The following ZBTB40 variants were observed in gnomAD, a reference collection of about 807,000 sequenced individuals.
The protein encoded by ZBTB40 is zinc finger and BTB domain containing 40.
In ZBTB40, 60 loss-of-function variants were observed where a neutral mutation model predicts 117.5. The observed-to-expected ratio is 0.51, with a 90% CI of 0.41 to 0.63. The LOEUF (loss-of-function observed/expected upper bound fraction) is 0.63. Ranked by LOEUF, ZBTB40 falls within the 30% of genes least tolerant of loss-of-function variation. The probability of loss-of-function intolerance (pLI) is 0.00; values close to 1 mark genes in which losing one functional copy is unlikely to be tolerated. For synonymous variants in ZBTB40, 525 were observed against 577.1 expected (o/e 0.91, Z 1.29); for missense variants, 1,287 against 1,498.5 (o/e 0.86, Z 2.33).
At chr1:22,495,836 AT>A (rs1333015676) in intron 3 of ZBTB40, among the ~76,000 whole-genome samples, 1 of 152,170 alleles carries the variant, frequency 6.6e-6, no homozygotes, top group Non-Finnish European at 1.5e-5. Context: ...TTTAGGAATC[AT>A]TTAACTCTTC....
rs775650718 is a variant in ZBTB40, at chr1:22,526,351, C to T, written c.3675C>T (p.Asp1225=). ...AGCTCGTGGCGGTGACTGTGGAGGA[C>T]TTGCTGGATGGCACAGTGACGCTGA... ...SSELVAVTVE[D]LLDGTVTLIC... Residue 1225 remains aspartate (D), a synonymous_variant, in exon 18 of 18, where the codon GAC becomes GAT. Coordinates refer to ENST00000375647, the MANE Select transcript of ZBTB40 (RefSeq NM_014870.4). 7 of 1,614,064 alleles carry T rather than the reference C, an allele frequency of 4.3e-6. No individual in the cohort carries two copies. In the African/African-American group the frequency reaches 8.0e-5, roughly 18 times the overall value.
chr1:22,509,152 G>A lies in ZBTB40; in HGVS notation c.1752G>A (p.Leu584=). The change falls in exon 9 of 18, where the codon TTG becomes TTA. Residue 584 remains leucine (L), a synonymous_variant. Transcript: ENST00000375647. ...TLETILRHNQ[L]ILEAIQQKIE... ...AAACAATCCTGAGGCATAACCAGTT[G>A]ATCTTGGAGGCCATCCAACAGAAGA... 1 of 1,614,086 alleles carries A rather than the reference G, an allele frequency of 6.2e-7. No individual in the cohort carries two copies. Among genetic ancestry groups the A allele is most frequent in the Non-Finnish European group, 8.5e-7 (1 of 1,180,024 alleles).
intron 1 of ZBTB40, among the ~76,000 whole-genome samples, chr1:22,463,543 C>T (rs1345557919): frequency 6.6e-6 from 1 of 152,204 alleles, no homozygotes; most frequent in East Asian, 1.9e-4. Flanking sequence ...CTTGTTGAGA[C>T]TCCTGACTGC....
intron 1 of ZBTB40, among the ~76,000 whole-genome samples, chr1:22,469,726 C>T (rs189867932): frequency 4.6e-5 from 7 of 151,878 alleles, no homozygotes; most frequent in East Asian, 3.9e-4. Context: ...TTAGTAGAGA[C>T]GGGGTTTCAC....
intron 3 of ZBTB40, among the ~76,000 whole-genome samples, chr1:22,492,782 G>A (rs1423435576): frequency 1.3e-5 from 2 of 152,190 alleles, no homozygotes; most frequent in African/African-American, 4.8e-5. Context: ...CTCTCTTTGG[G>A]AGGTTTCAAG....
At chr1:22,488,215 G>A (rs555654857) in intron 1 of ZBTB40, among the ~76,000 whole-genome samples, 1 of 152,128 alleles carries the variant, frequency 6.6e-6, no homozygotes, top group Non-Finnish European at 1.5e-5. Context: ...AACAGTATTT[G>A]TGTTAAGCAG....
intron 1 of ZBTB40, among the ~76,000 whole-genome samples, chr1:22,468,142 A>G (rs1221172983): frequency 5.9e-5 from 9 of 151,838 alleles, no homozygotes; most frequent in Admixed American, 5.9e-4. Context: ...TACTGTTGAC[A>G]GTCACTTTGC....
chr1:22,476,908 C>A (rs1307611588), intron 1 of ZBTB40, among the ~76,000 whole-genome samples: 1 of 152,190 alleles, frequency 6.6e-6, no homozygotes, highest in African/African-American at 2.4e-5. Context: ...TTCCAACATG[C>A]AGTGTTCCAC....
chr1:22,521,767 C>T lies in ZBTB40; in HGVS notation c.3211+109C>T, dbSNP rs375139806. 3 of 1,508,946 alleles carry T rather than the reference C, an allele frequency of 2.0e-6. No individual in the cohort carries two copies. The East Asian group carries it at 6.8e-5, about 34-fold the overall frequency. The allele number at this position is 1,508,946 out of a possible 1,614,324, so 93.5% of individuals were successfully genotyped here. A position where few individuals can be genotyped will look rare whatever the true frequency, so the allele number is the denominator to read the frequency against. ...ATAGTCTAGTGTGATGTGCAGTGGT[C>T]ATTGCCTTTGTTCTGCCCCAGCGCA... On this transcript the variant is annotated intron_variant, in intron 15 of 17. Transcript: ENST00000375647.
At chr1:22,473,533 T>G (rs960133070) in intron 1 of ZBTB40, among the ~76,000 whole-genome samples, 2 of 152,208 alleles carry the variant, frequency 1.3e-5, no homozygotes, top group African/African-American at 4.8e-5. Context: ...AGTGGTTATT[T>G]GATAAATAAT....
At chr1:22,509,865 A>C (rs1050682347) in intron 9 of ZBTB40, among the ~76,000 whole-genome samples, 5 of 152,130 alleles carry the variant, frequency 3.3e-5, no homozygotes, top group African/African-American at 1.2e-4. Context: ...AATTTATTCC[A>C]TTTATCTAAA....
chr1:22,447,507 G>A (rs4655063), upstream of ZBTB40, among the ~76,000 whole-genome samples: 25,857 of 152,226 alleles, frequency 0.17, 2,775 homozygotes, highest in Non-Finnish European at 0.24. Flanking sequence ...TAGAAACCCT[G>A]AGGGGAGAAA....
chr1:22,475,122 G>C (rs977610987), intron 1 of ZBTB40, among the ~76,000 whole-genome samples: 1 of 152,138 alleles, frequency 6.6e-6, no homozygotes, highest in African/African-American at 2.4e-5. Flanking sequence ...AGAAATCCAG[G>C]CAGAGGTGGG....
rs1639755175 is a variant in ZBTB40 at position 22,528,905 on chromosome 1, A to T, written c.*2509A>T. The stretch of plus-strand genomic sequence containing the variant: ...TTCGGAATCACCAGATTTGCAGCTT[A>T]CTGTGCCGAGAGTGGACTGGCTGCC... On this transcript the variant is annotated 3_prime_UTR_variant, in exon 18 of 18. Transcript: ENST00000375647. The T allele has an allele frequency of 6.6e-6, 1 of 152,296 alleles. No individual in the cohort carries two copies. The highest frequency in any genetic ancestry group is 1.5e-5 in the Non-Finnish European group (1 of 68,062). The allele number at this position is 152,296 out of a possible 1,614,324, so 9.4% of individuals were successfully genotyped here.
chr1:22,509,318 AG>A, intron 9 of ZBTB40, 85 bp downstream of exon 9: 1 of 1,573,578 alleles, frequency 6.4e-7, no homozygotes, highest in Non-Finnish European at 8.7e-7. Context: ...AGGAACCAAT[AG>A]TTGGTTGGGT....
intron 12 of ZBTB40, among the ~76,000 whole-genome samples, chr1:22,514,314 AAAAT>A (rs1278803454): frequency 6.6e-6 from 1 of 152,222 alleles, no homozygotes; most frequent in Non-Finnish European, 1.5e-5. Flanking sequence ...TGATACTTAA[AAAAT>A]AAATAAACCC....
At chr1:22,473,565 T>C (rs1035540369) in intron 1 of ZBTB40, among the ~76,000 whole-genome samples, 1 of 152,166 alleles carries the variant, frequency 6.6e-6, no homozygotes, top group African/African-American at 2.4e-5. Flanking sequence ...ATTTAGAATA[T>C]GAAAAGAGAG....
rs538549567 is a variant in ZBTB40, at chr1:22,459,067, G to A, written c.-70+7063G>A. Among the ~76,000 whole-genome samples, 7 of 152,280 alleles carry A rather than the reference G, an allele frequency of 4.6e-5. No individual in the cohort carries two copies. The South Asian group carries it at 1.5e-3, about 32-fold the overall frequency. The stretch of plus-strand genomic sequence containing the variant: ...AGGTAAGAAATAATATTTCAGTATA[G>A]CTTAAATTTGTTGTTTCTTTTTATG... On this transcript the variant is annotated intron_variant, in intron 1 of 17. Transcript: ENST00000375647.
chr1:22,506,320 T>A, intron 6 of ZBTB40, 79 bp downstream of exon 6: 1 of 1,380,214 alleles, frequency 7.2e-7, no homozygotes, highest in Non-Finnish European at 1.0e-6. Flanking sequence ...TTTGGCTCCA[T>A]GCTGGGGAGA....
Sources: allele counts gnomAD v4.1 joint callset (sites outside exome capture counted in the v4.1 genomes callset), GRCh38; gene constraint gnomAD v4.1.1; transcripts MANE v1.5; gene names NCBI Gene and HGNC (gene_info 2026-07-23, HGNC 2026-07-21).